Variants in MAFK observed in about 807,000 individuals in gnomAD.
MAFK encodes the protein MAF bZIP transcription factor K.
MAFK carries 1 observed loss-of-function variant against 9.2 expected under a neutral mutation model. The observed-to-expected ratio is 0.11, with a 90% CI of 0.04 to 0.52. The LOEUF is 0.52. Ranked by LOEUF, MAFK falls within the 20% of genes least tolerant of loss-of-function variation. MAFK has a pLI of 0.94. For missense variants in MAFK, 207 were observed against 236.0 expected (o/e 0.88, Z 0.81); for synonymous variants, 110 against 107.4 (o/e 1.02, Z -0.15).
In MAFK at chr7:1,534,780, C is replaced by T. The variant is rs918310758; in HGVS notation, c.-45+3882C>T. Reference sequence around the variant, plus strand: ...AGAGCGAGCGGCAGCCCCGATGCGTCCTCTCATCTGGGAAGAATCAGAGCC... The same window carrying T: ...AGAGCGAGCGGCAGCCCCGATGCGTTCTCTCATCTGGGAAGAATCAGAGCC... On this transcript the variant is annotated intron_variant, in intron 1 of 2. Coordinates refer to ENST00000343242, the MANE Select transcript of MAFK (RefSeq NM_002360.4). The surrounding 1 kb of genome is among the most constrained non-coding windows in gnomAD (Gnocchi z 4.3). The T allele has an allele frequency of 5.3e-6, 2 of 380,756 alleles. No individual in the cohort carries two copies. The highest frequency in any genetic ancestry group is 7.4e-5 in the East Asian group (1 of 13,590). The allele number at this position is 380,756 out of a possible 1,614,324, so 23.6% of individuals were successfully genotyped here.
intron 1 of MAFK, chr7:1,537,283 G>A (rs925501888): frequency 8.5e-6 from 6 of 709,660 alleles, no homozygotes; most frequent in South Asian, 6.2e-5. Context: ...CAGTGGGCCC[G>A]GGGGCCCAGG....
rs1464277061 is a variant in MAFK, at chr7:1,534,256, TCTGGCTGGTCTCTGGGA to T, written c.-45+3360_-45+3376del. 7.7e-5 allele frequency: 35 copies of T among 455,538 alleles called. No homozygotes were observed. Among genetic ancestry groups the T allele is most frequent in the African/African-American group, 6.6e-4 (33 of 50,000 alleles). The allele number at this position is 455,538 out of a possible 1,614,324, so 28.2% of individuals were successfully genotyped here. A position where few individuals can be genotyped will look rare whatever the true frequency, so the allele number is the denominator to read the frequency against. On this transcript the variant is annotated intron_variant, in intron 1 of 2. Coordinates refer to ENST00000343242, the MANE Select transcript of MAFK (RefSeq NM_002360.4). The surrounding 1 kb of genome is among the most constrained non-coding windows in gnomAD (Gnocchi z 4.3). ...GACCTCATCCTCAGTAGGAAGGGTGTCTGGCTGGTCTCTGGGACCAGCTGGGCTGCAATTAGTCGGTT... is the reference window on the plus strand; with the variant it reads ...GACCTCATCCTCAGTAGGAAGGGTGTCCAGCTGGGCTGCAATTAGTCGGTT...
Position 1,540,671 on chromosome 7 carries a change from A to C in MAFK, c.*296A>C, listed in dbSNP as rs1784159314. 6 of 404,588 alleles carry C rather than the reference A, an allele frequency of 1.5e-5. No individual in the cohort carries two copies. Among genetic ancestry groups the C allele is most frequent in the Non-Finnish European group, 1.8e-5 (4 of 224,744 alleles). 25.1% of individuals were successfully genotyped at this position (404,588 alleles called of 1,614,324 possible). ...GCACCCGTGGGAGTCGGGACATATA[A>C]TGGAAAGGCCCTCGGGAAGTTCCGC... On this transcript the variant is annotated 3_prime_UTR_variant, in exon 3 of 3. Transcript: ENST00000343242.
At chr7:1,538,174 C>G (rs1334372975) in intron 1 of MAFK, 7 of 713,674 alleles carry the variant, frequency 9.8e-6, no homozygotes, top group South Asian at 6.3e-5. Context: ...TGGCAACTAT[C>G]GGAGGGCTCA....
intron 1 of MAFK, chr7:1,538,234 C>T: frequency 1.0e-6 from 1 of 981,702 alleles, no homozygotes; most frequent in Non-Finnish European, 1.2e-6. Context: ...GAATGTGTGA[C>T]ACAATGCAGA....
Position 1,533,435 on chromosome 7 carries a change from C to A in MAFK, c.-45+2537C>A, listed in dbSNP as rs147399337. On this transcript the variant is annotated intron_variant, in intron 1 of 2. Transcript: ENST00000343242. The stretch of plus-strand genomic sequence containing the variant: ...GGCCTTGGTAGAGGGTGCTTGCCTA[C>A]GCGAGGAGGAGAGCAGTGGGGAGTG... Among the ~76,000 whole-genome samples the A allele has an allele frequency of 3.5e-3, 526 of 152,282 alleles. 2 individuals are homozygous for A. Among genetic ancestry groups the A allele is most frequent in the African/African-American group, 0.012 (503 of 41,558 alleles).
chr7:1,540,207 G>T lies in MAFK; in HGVS notation c.303G>T (p.Arg101=), dbSNP rs757174532. ...TGGCGCGTGAGAACAGCAGCATGCG[G>T]CTGGAGCTGGACGCCCTGCGCTCCA... is the stretch of plus-strand genomic sequence containing the variant. ...EKLARENSSM[R]LELDALRSKY... Residue 101 remains arginine (R), a synonymous_variant, in exon 3 of 3, where the codon CGG becomes CGT. Transcript: ENST00000343242. The T allele has an allele frequency of 1.6e-5, 25 of 1,593,792 alleles. No homozygotes were observed. The highest frequency in any genetic ancestry group is 2.1e-5 in the Non-Finnish European group (25 of 1,171,364).
At chr7:1,533,305 G>A (rs911766479) in intron 1 of MAFK, among the ~76,000 whole-genome samples, 1 of 152,222 alleles carries the variant, frequency 6.6e-6, no homozygotes, top group Non-Finnish European at 1.5e-5. Context: ...GGCTCATCTC[G>A]TACAGCGGGG....
chr7:1,531,111 C>T (rs1396210059), intron 1 of MAFK, among the ~76,000 whole-genome samples: 6 of 148,530 alleles, frequency 4.0e-5, no homozygotes, highest in Non-Finnish European at 7.5e-5. Context: ...CCGGGGGCTT[C>T]CCCGGGACGC....
rs768346030 is a variant in MAFK, at chr7:1,540,118, C to T, written c.214C>T (p.Arg72Trp). The T allele has an allele frequency of 1.9e-6, 3 of 1,573,566 alleles. No homozygotes were observed. Among genetic ancestry groups the T allele is most frequent in the East Asian group, 2.3e-5 (1 of 42,958 alleles). ...CTACGCGGCCAGCTGCCGCATCAAG[C>T]GGGTGACGCAGAAGGAGGAGCTGGA... ...RGYAASCRIK[R>W]VTQKEELERQ... is the part of the protein sequence containing the mutation. Residue 72 changes from arginine to tryptophan, a missense_variant, in exon 3 of 3, where the codon CGG becomes TGG. Coordinates refer to ENST00000343242, the MANE Select transcript of MAFK (RefSeq NM_002360.4).
In MAFK at chr7:1,533,961, G is replaced by T. The variant is rs1236990303; in HGVS notation, c.-45+3063G>T. ...CAGGGCGGGGACTGGAGGGGGTGTG[G>T]TGTGTTCTGCAGTCTGCTCTCTGCT... On this transcript the variant is annotated intron_variant, in intron 1 of 2. Coordinates refer to ENST00000343242, the MANE Select transcript of MAFK (RefSeq NM_002360.4). 8 of 321,018 alleles carry T rather than the reference G, an allele frequency of 2.5e-5. No homozygotes were observed. The Admixed American group carries it at 2.8e-4, about 11-fold the overall frequency. 19.9% of individuals were successfully genotyped at this position (321,018 alleles called of 1,614,324 possible).
chr7:1,537,269 C>A, intron 1 of MAFK: 2 of 550,028 alleles, frequency 3.6e-6, no homozygotes, highest in Non-Finnish European at 4.6e-6. Context: ...GCTGCCACGG[C>A]GGGCAGTGGG....
Position 1,540,410 on chromosome 7 carries a change from C to G in MAFK, c.*35C>G. ...GGGGCGGGGGGTGGCGGGCGGCGGGCGGCGGGCAGGCGGGTGGGGGCACAC... is the reference window on the plus strand; with the variant it reads ...GGGGCGGGGGGTGGCGGGCGGCGGGGGGCGGGCAGGCGGGTGGGGGCACAC... On this transcript the variant is annotated 3_prime_UTR_variant, in exon 3 of 3. Transcript: ENST00000343242. 3.4e-4 allele frequency: 63 copies of G among 185,142 alleles called. No homozygotes were observed. Among genetic ancestry groups the G allele is most frequent in the Non-Finnish European group, 4.8e-4 (45 of 92,790 alleles). 11.5% of individuals were successfully genotyped at this position (185,142 alleles called of 1,614,324 possible).
Position 1,540,057 on chromosome 7 carries a change from C to T in MAFK, c.153C>T (p.Arg51=). 6.4e-7 allele frequency: 1 copy of T among 1,559,190 alleles called. No individual in the cohort carries two copies. Among genetic ancestry groups the T allele is most frequent in the Non-Finnish European group, 8.7e-7 (1 of 1,151,578 alleles). The change falls in exon 3 of 3, where the codon CGC becomes CGT. Residue 51 remains arginine (R), a synonymous_variant. Transcript: ENST00000343242. ...LRGLTKEEVT[R]LKQRRRTLKN... ...GTCTCACCAAGGAGGAGGTGACCCG[C>T]CTGAAGCAGCGTCGGCGCACACTCA...
intron 1 of MAFK, among the ~76,000 whole-genome samples, chr7:1,531,494 T>C (rs1041947167): frequency 6.6e-6 from 1 of 152,216 alleles, no homozygotes; most frequent in Admixed American, 6.5e-5. Flanking sequence ...GGTGTCGCTC[T>C]CAGCCGCCCA....
At chr7:1,538,958 G>T (rs567863932) in intron 1 of MAFK, 191 bp from the exon 2 acceptor site, 1 of 557,806 alleles carries the variant, frequency 1.8e-6, no homozygotes, top group Non-Finnish European at 3.2e-6. Flanking sequence ...GACAGAGGCC[G>T]GGCCAGGATG....
intron 2 of MAFK, 54 bp downstream of exon 2, chr7:1,539,282 C>A (rs919756090): frequency 6.9e-7 from 1 of 1,444,190 alleles, no homozygotes; most frequent in Non-Finnish European, 9.5e-7. Context: ...GGAAAGGCCC[C>A]CGGCCCGACA....
chr7:1,540,321 C>T lies in MAFK; in HGVS notation c.417C>T (p.Ile139=), dbSNP rs776937102. Residue 139 remains isoleucine (I), a synonymous_variant, in exon 3 of 3, where the codon ATC becomes ATT. Coordinates refer to ENST00000343242, the MANE Select transcript of MAFK (RefSeq NM_002360.4). The stretch of plus-strand genomic sequence containing the variant: ...TGGCCACCACCAGCGTCATCACCAT[C>T]GTCAAGTCCACCGAGCTCTCCTCCA... ...SKVATTSVIT[I]VKSTELSSTS... 34 of 1,610,372 alleles carry T rather than the reference C, an allele frequency of 2.1e-5. No homozygotes were observed. Among genetic ancestry groups the T allele is most frequent in the South Asian group, 1.4e-4 (13 of 90,900 alleles).
At position 1,534,264 on chromosome 7, in the gene MAFK, G is replaced by T; in HGVS notation, c.-45+3366G>T. The T allele has an allele frequency of 4.4e-6, 2 of 455,704 alleles. No individual in the cohort carries two copies. The highest frequency in any genetic ancestry group is 3.3e-4 in the Middle Eastern group (1 of 3,068). 28.2% of individuals were successfully genotyped at this position (455,704 alleles called of 1,614,324 possible). ...CCTCAGTAGGAAGGGTGTCTGGCTG[G>T]TCTCTGGGACCAGCTGGGCTGCAAT... On this transcript the variant is annotated intron_variant, in intron 1 of 2. Transcript: ENST00000343242. The surrounding 1 kb of genome is among the most constrained non-coding windows in gnomAD (Gnocchi z 4.3).
Sources: gnomAD v4.1 joint callset for allele counts (sites outside exome capture counted in the v4.1 genomes callset) on GRCh38, gnomAD v4.1.1 for gene constraint, Gnocchi (gnomAD v3.1) non-coding constraint, MANE v1.5 for transcripts, NCBI Gene and HGNC (gene_info 2026-07-23, HGNC 2026-07-21) for gene names.